Variants in LRP1B observed in about 807,000 individuals in gnomAD.
LRP1B encodes the protein LDL receptor related protein 1B.
A neutral mutation model predicts 556.6 loss-of-function variants in LRP1B; 217 were observed. The ratio of observed to expected loss-of-function variants is 0.39; its 90% confidence interval spans 0.35 to 0.44. The LOEUF is 0.44. Among genes scored for constraint, LRP1B ranks in the 20% least tolerant of loss-of-function variants. The pLI is 1.00. For synonymous variants in LRP1B, 2,047 were observed against 1,865.8 expected (o/e 1.10, Z -2.50); for missense variants, 5,053 against 5,620.8 (o/e 0.90, Z 3.23).
chr2:140,249,119 A>T (rs1681297677), intron 86 of LRP1B, among the ~76,000 whole-genome samples: 2 of 151,662 alleles, frequency 1.3e-5, no homozygotes, highest in South Asian at 4.1e-4. Context: ...TGAAAAAAGA[A>T]CCTCTGGGAC....
chr2:140,908,635 T>G lies in LRP1B; in HGVS notation c.3320-558A>C, dbSNP rs1023134256. On this transcript the variant is annotated intron_variant, in intron 21 of 90. Coordinates refer to ENST00000389484, the MANE Select transcript of LRP1B (RefSeq NM_018557.3). Reference sequence around the variant, plus strand: ...CCAGACATATGTACATGCCCTTTCATAAGAGAATATCAAATGATATCAAAC... The same window carrying G: ...CCAGACATATGTACATGCCCTTTCAGAAGAGAATATCAAATGATATCAAAC... 3.6e-4 allele frequency among the ~76,000 whole-genome samples: 55 copies of G among 151,700 alleles called. 1 individual carries two copies. Among genetic ancestry groups the G allele is most frequent in the Non-Finnish European group, 1.5e-5 (1 of 67,970 alleles).
rs1270896252 is a variant in LRP1B, at chr2:141,391,246, G to A, written c.343+89150C>T. On this transcript the variant is annotated intron_variant, in intron 3 of 90. Coordinates refer to ENST00000389484, the MANE Select transcript of LRP1B (RefSeq NM_018557.3). The stretch of plus-strand genomic sequence containing the variant: ...TTTAGTGACTGTCTTGGTCACCATA[G>A]CCTAGTACCTTCTACAGTGCCTTAC... Among the ~76,000 whole-genome samples, 3 of 152,142 alleles carry A rather than the reference G, an allele frequency of 2.0e-5. No homozygotes were observed. The East Asian group carries it at 5.8e-4, about 29-fold the overall frequency.
At chr2:140,719,039 T>C (rs1687308778) in intron 35 of LRP1B, among the ~76,000 whole-genome samples, 1 of 152,124 alleles carries the variant, frequency 6.6e-6, no homozygotes, top group Non-Finnish European at 1.5e-5. Flanking sequence ...ACACATTATA[T>C]ATTTGTTGGT....
chr2:140,602,927 C>G (rs1682729216), intron 41 of LRP1B, among the ~76,000 whole-genome samples: 1 of 151,946 alleles, frequency 6.6e-6, no homozygotes, highest in East Asian at 1.9e-4. Context: ...AAAGCTGAAA[C>G]TTATAGTCAC....
chr2:141,184,140 T>C (rs753221976), intron 7 of LRP1B, among the ~76,000 whole-genome samples: 26 of 152,086 alleles, frequency 1.7e-4, no homozygotes, highest in Non-Finnish European at 1.5e-4. Flanking sequence ...AAAAATGCAG[T>C]TCCACAGACA....
chr2:140,594,642 A>T (rs1309114189), intron 43 of LRP1B, among the ~76,000 whole-genome samples: 1 of 152,206 alleles, frequency 6.6e-6, no homozygotes, highest in Non-Finnish European at 1.5e-5. Flanking sequence ...TGTATCTAAT[A>T]TTCCAGATTA....
chr2:141,143,096 T>G (rs1432889798), intron 7 of LRP1B, among the ~76,000 whole-genome samples: 1 of 151,786 alleles, frequency 6.6e-6, no homozygotes, highest in Non-Finnish European at 1.5e-5. Context: ...GCCTGGCTAA[T>G]TTTTTTGTAT....
At position 140,452,961 on chromosome 2, in the gene LRP1B, G is replaced by GTTTTT. The variant is rs5834746; in HGVS notation, c.9964-2305_9964-2301dup. Among the ~76,000 whole-genome samples the GTTTTT allele has an allele frequency of 1.5e-4, 19 of 126,572 alleles. 1 individual carries two copies. The highest frequency in any genetic ancestry group is 7.1e-4 in the East Asian group (3 of 4,242). 83.0% of individuals were successfully genotyped at this position (126,572 alleles called of 152,430 possible). ...ACATGTCTGTTGTGTGTGTGTGTGT[G>GTTTTT]TTTTTTTTTTTTTTTTTTATAAAAT... is the stretch of plus-strand genomic sequence containing the variant. On this transcript the variant is annotated intron_variant, in intron 62 of 90. Transcript: ENST00000389484.
At chr2:140,408,866 T>G (rs1568256) in intron 66 of LRP1B, among the ~76,000 whole-genome samples, 20,136 of 151,838 alleles carry the variant, frequency 0.13, 1,414 homozygotes, top group African/African-American at 0.18. Context: ...AGGAACAGTG[T>G]TGAGACCAGG....
chr2:141,776,343 T>C (rs894287828), intron 2 of LRP1B, among the ~76,000 whole-genome samples: 2 of 152,216 alleles, frequency 1.3e-5, no homozygotes, highest in Admixed American at 1.3e-4. Context: ...TAAGTCCATA[T>C]TGCATGAGGC....
At chr2:140,752,324 T>C (rs1189819515) in intron 35 of LRP1B, among the ~76,000 whole-genome samples, 1 of 115,442 alleles carries the variant, frequency 8.7e-6, no homozygotes, top group Admixed American at 9.0e-5. Flanking sequence ...TTAAAATACT[T>C]TTTTTTTTTT....
At chr2:142,084,815 C>T (rs1705851332) in intron 1 of LRP1B, among the ~76,000 whole-genome samples, 1 of 152,116 alleles carries the variant, frequency 6.6e-6, no homozygotes, top group Admixed American at 6.5e-5. Flanking sequence ...TCTCTTCCTG[C>T]TTAAGATGAC....
rs914272539 is a variant in LRP1B at position 141,136,110 on chromosome 2, A to AT, written c.1013+52310dup. 8.6e-5 allele frequency among the ~76,000 whole-genome samples: 13 copies of AT among 151,986 alleles called. 1 individual carries two copies. Among genetic ancestry groups the AT allele is most frequent in the African/African-American group, 2.4e-4 (10 of 41,524 alleles). ...AAATTCAATTAGAACATATTAAAGC[A>AT]TTTTTTTAAATATAAAAGGACATAG... On this transcript the variant is annotated intron_variant, in intron 7 of 90. Coordinates refer to ENST00000389484, the MANE Select transcript of LRP1B (RefSeq NM_018557.3).
chr2:140,830,229 GAA>G (rs1691667856), intron 31 of LRP1B, among the ~76,000 whole-genome samples: 1 of 152,064 alleles, frequency 6.6e-6, no homozygotes, highest in Non-Finnish European at 1.5e-5. Context: ...TATAAAACTC[GAA>G]GTGGAGGGAA....
At chr2:141,277,907 C>A (rs1573745547) in intron 3 of LRP1B, among the ~76,000 whole-genome samples, 1 of 151,932 alleles carries the variant, frequency 6.6e-6, no homozygotes, top group African/African-American at 2.4e-5. Context: ...CAAAATAAAA[C>A]CCTCAAAAAT....
chr2:140,286,736 TTAA>T (rs1445324494), intron 84 of LRP1B, among the ~76,000 whole-genome samples: 5 of 151,854 alleles, frequency 3.3e-5, no homozygotes, highest in African/African-American at 9.7e-5. Context: ...TGCTATAAAA[TTAA>T]TGTTTATTTT....
chr2:140,660,189 G>T (rs2105338274), intron 41 of LRP1B, among the ~76,000 whole-genome samples: 1 of 151,452 alleles, frequency 6.6e-6, no homozygotes, highest in Admixed American at 6.6e-5. Flanking sequence ...AACTTTTAAA[G>T]TAACTTTTTC....
intron 66 of LRP1B, among the ~76,000 whole-genome samples, chr2:140,426,841 G>C (rs1021467879): frequency 1.3e-5 from 2 of 152,172 alleles, no homozygotes; most frequent in African/African-American, 4.8e-5. Context: ...CCTCCTTTGG[G>C]AGATCAATCC....
At chr2:140,597,534 T>C (rs1485873403) in intron 43 of LRP1B, among the ~76,000 whole-genome samples, 2 of 152,214 alleles carry the variant, frequency 1.3e-5, no homozygotes, top group East Asian at 1.9e-4. Flanking sequence ...TCATATACTT[T>C]TGCATTATAT....
Sources: allele counts gnomAD v4.1 joint callset (sites outside exome capture counted in the v4.1 genomes callset), GRCh38; gene constraint gnomAD v4.1.1; transcripts MANE v1.5; gene names NCBI Gene and HGNC (gene_info 2026-07-23, HGNC 2026-07-21).